Variants in ERN1 observed in about 807,000 individuals in gnomAD.
The protein encoded by ERN1 is serine/threonine-protein kinase/endoribonuclease IRE1.
A neutral mutation model predicts 113.1 loss-of-function variants in ERN1; 39 were observed. That is an observed-to-expected ratio of 0.34 (90% CI 0.27 to 0.45). The LOEUF is 0.45. ERN1 is among the 20% of genes least tolerant of loss of function. The probability of loss-of-function intolerance (pLI) is 1.00; values close to 1 mark genes in which losing one functional copy is unlikely to be tolerated. For missense variants in ERN1, 976 were observed against 1,274.8 expected (o/e 0.77, Z 3.57); for synonymous variants, 507 against 515.9 (o/e 0.98, Z 0.23).
At chr17:64,097,435 T>A (rs931301239) in intron 2 of ERN1, among the ~76,000 whole-genome samples, 13 of 152,288 alleles carry the variant, frequency 8.5e-5, no homozygotes, top group African/African-American at 2.9e-4. Context: ...CCAAATGAGA[T>A]TTATTACTAG....
chr17:64,044,734 G>T lies in ERN1; in HGVS notation c.2721+126C>A. 1 of 688,302 alleles carries T rather than the reference G, an allele frequency of 1.5e-6. No individual in the cohort carries two copies. The highest frequency in any genetic ancestry group is 2.5e-6 in the Non-Finnish European group (1 of 399,070). The allele number at this position is 688,302 out of a possible 1,614,324, so 42.6% of individuals were successfully genotyped here. On this transcript the variant is annotated intron_variant, in intron 21 of 21. Coordinates refer to ENST00000433197, the MANE Select transcript of ERN1 (RefSeq NM_001433.5). The surrounding 1 kb of genome is among the most constrained non-coding windows in gnomAD (Gnocchi z 4.1). ...CTGCAGTTTGCCAAGTCCAGCTGAA[G>T]CCGCCTAGCTCCTGAGAGATGAGAA...
At chr17:64,102,898 G>A (rs73992930) in intron 1 of ERN1, 57,664 of 982,836 alleles carry the variant, frequency 0.059, 1,968 homozygotes, top group African/African-American at 0.12. Context: ...TAGTTGGGAG[G>A]TTAAAAAAAA....
chr17:64,114,801 T>TAAGAA (rs1598088702), intron 1 of ERN1, among the ~76,000 whole-genome samples: 3 of 152,154 alleles, frequency 2.0e-5, no homozygotes, highest in South Asian at 4.1e-4. Context: ...TCCAGTGTTT[T>TAAGAA]AATTTATACT....
chr17:64,086,837 G>A (rs1015129229), intron 2 of ERN1, among the ~76,000 whole-genome samples: 2 of 151,448 alleles, frequency 1.3e-5, no homozygotes, highest in East Asian at 1.9e-4. Context: ...AGTAGAGATG[G>A]GGTTTCACCT....
chr17:64,085,172 G>C (rs549221204), intron 2 of ERN1, among the ~76,000 whole-genome samples: 1 of 152,264 alleles, frequency 6.6e-6, no homozygotes, highest in African/African-American at 2.4e-5. Flanking sequence ...GTCATTTCCT[G>C]TCTTAGTCTG....
chr17:64,103,209 G>A (rs1455657262), intron 1 of ERN1, among the ~76,000 whole-genome samples: 4 of 152,096 alleles, frequency 2.6e-5, no homozygotes, highest in Non-Finnish European at 1.5e-5. Context: ...ATAAAGCAAT[G>A]TTACGGCTGG....
chr17:64,089,852 T>G (rs1275191195), intron 2 of ERN1, among the ~76,000 whole-genome samples: 1 of 152,114 alleles, frequency 6.6e-6, no homozygotes, highest in Non-Finnish European at 1.5e-5. Context: ...AAAGGCATAG[T>G]CTGAATGAGG....
At chr17:64,114,393 A>G (rs983975794) in intron 1 of ERN1, among the ~76,000 whole-genome samples, 2 of 152,160 alleles carry the variant, frequency 1.3e-5, no homozygotes, top group Non-Finnish European at 2.9e-5. Flanking sequence ...ATGGTGGGGG[A>G]AGCACAGTGT....
chr17:64,073,309 C>T (rs907968785), intron 5 of ERN1, among the ~76,000 whole-genome samples: 2 of 147,258 alleles, frequency 1.4e-5, no homozygotes, highest in Non-Finnish European at 1.5e-5. Context: ...GCTGGGACTA[C>T]AGGTGCGTGC....
chr17:64,128,305 C>T (rs1438395026), intron 1 of ERN1, among the ~76,000 whole-genome samples: 1 of 151,948 alleles, frequency 6.6e-6, no homozygotes, highest in Non-Finnish European at 1.5e-5. Context: ...GCCACCGGGC[C>T]CGGCCTGACC....
chr17:64,089,608 C>G (rs980673319), intron 2 of ERN1, among the ~76,000 whole-genome samples: 2 of 152,030 alleles, frequency 1.3e-5, no homozygotes, highest in Non-Finnish European at 1.5e-5. Flanking sequence ...CCTCTGAAGG[C>G]AAGTTAGACA....
At chr17:64,099,065 C>T (rs183221376) in intron 1 of ERN1, among the ~76,000 whole-genome samples, 26 of 152,212 alleles carry the variant, frequency 1.7e-4, no homozygotes, top group African/African-American at 6.0e-4. Flanking sequence ...ATACTCATGA[C>T]GTCCCATTTA....
intron 1 of ERN1, among the ~76,000 whole-genome samples, chr17:64,121,809 C>T (rs536144955): frequency 6.6e-6 from 1 of 152,304 alleles, no homozygotes; most frequent in African/African-American, 2.4e-5. Flanking sequence ...AATCCCTACT[C>T]TCTCCATGAT....
chr17:64,116,676 A>C (rs949296512), intron 1 of ERN1, among the ~76,000 whole-genome samples: 14 of 145,234 alleles, frequency 9.6e-5, no homozygotes, highest in African/African-American at 3.3e-4. Context: ...CACACACACA[A>C]ACACACCCAT....
At chr17:64,108,388 T>C (rs1326551291) in intron 1 of ERN1, among the ~76,000 whole-genome samples, 3 of 152,158 alleles carry the variant, frequency 2.0e-5, no homozygotes, top group Non-Finnish European at 4.4e-5. Context: ...TACATTGCCA[T>C]CATTGGAAGA....
Position 64,055,785 on chromosome 17 carries a change from G to A in ERN1, c.1562C>T (p.Ser521Leu), listed in dbSNP as rs1257131786. The A allele has an allele frequency of 5.6e-6, 9 of 1,598,300 alleles. No individual in the cohort carries two copies. The highest frequency in any genetic ancestry group is 4.5e-5 in the East Asian group (2 of 44,358). The change falls in exon 13 of 22, where the codon TCG becomes TTG. Residue 521 changes from serine to leucine, a missense_variant. Physicochemically the swap from Ser to Leu is moderately radical, Grantham distance 145. Coordinates refer to ENST00000433197, the MANE Select transcript of ERN1 (RefSeq NM_001433.5). The part of the protein sequence containing the change: ...LDTSGPYSES[S>L]GTSSPSTSPR... ...GGACGTGCTGGGGCTGCTGGTGCCC[G>A]AGCTCTCTGAGTACGGGCCAGACGT... is the stretch of plus-strand genomic sequence containing the variant.
chr17:64,097,826 A>C (rs1489316704), intron 2 of ERN1: 5 of 285,320 alleles, frequency 1.8e-5, no homozygotes, highest in Non-Finnish European at 2.6e-5. Context: ...CTTCATAAAG[A>C]CCAACTAGCT....
chr17:64,040,232 C>T lies in ERN1; in HGVS notation c.*3756G>A, dbSNP rs190111799. The T allele has an allele frequency of 6.6e-6, 1 of 152,262 alleles. No individual in the cohort carries two copies. The highest frequency in any genetic ancestry group is 1.5e-5 in the Non-Finnish European group (1 of 68,082). 9.4% of individuals were successfully genotyped at this position (152,262 alleles called of 1,614,324 possible). A position where few individuals can be genotyped will look rare whatever the true frequency, so the allele number is the denominator to read the frequency against. On this transcript the variant is annotated 3_prime_UTR_variant, in exon 22 of 22. Transcript: ENST00000433197. ...CGACATGGGGGACTTAAAGAGGCTC[C>T]TTCCAGGGCGCTGGGCTTCTCTTCC...
chr17:64,126,950 G>T (rs1288204412), intron 1 of ERN1, among the ~76,000 whole-genome samples: 1 of 152,024 alleles, frequency 6.6e-6, no homozygotes, highest in Non-Finnish European at 1.5e-5. Flanking sequence ...GCCTCACATT[G>T]TACTGATCTC....
Sources: allele counts gnomAD v4.1 joint callset (sites outside exome capture counted in the v4.1 genomes callset), GRCh38; gene constraint gnomAD v4.1.1; non-coding constraint Gnocchi (gnomAD v3.1); transcripts MANE v1.5; gene names NCBI Gene and HGNC (gene_info 2026-07-23, HGNC 2026-07-21).